FTO: variants seen among roughly 807,000 people sequenced by gnomAD.
The protein encoded by FTO is FTO alpha-ketoglutarate dependent dioxygenase, also known as alpha-ketoglutarate-dependent dioxygenase FTO.
A neutral mutation model predicts 63.9 loss-of-function variants in FTO; 47 were observed. That is an observed-to-expected ratio of 0.74 (90% CI 0.58 to 0.94). The LOEUF is 0.94. FTO is among the 40% of genes least tolerant of loss of function. The pLI is 0.00. For missense variants in FTO, 562 were observed against 618.1 expected, an observed-to-expected ratio of 0.91 and a Z score of 0.96; for synonymous variants, 207 against 224.4, an observed-to-expected ratio of 0.92 and a Z score of 0.69.
rs1322350254 is a variant in FTO, at chr16:53,995,680, C to T, written c.1364+61571C>T. Among the ~76,000 whole-genome samples the T allele has an allele frequency of 2.0e-5, 3 of 152,322 alleles. No individual in the cohort carries two copies. In the East Asian group the frequency reaches 5.8e-4, roughly 29 times the overall value. On this transcript the variant is annotated intron_variant, in intron 8 of 8. Transcript: ENST00000471389. ...CAGAGATGACCATGTATATGAAACA[C>T]AGTTCCTACTCCGCCTCCTTCACCC... is the stretch of plus-strand genomic sequence containing the variant.
At chr16:53,820,713 G>A (rs996032915) in intron 2 of FTO, among the ~76,000 whole-genome samples, 1 of 150,492 alleles carries the variant, frequency 6.6e-6, no homozygotes, top group African/African-American at 2.5e-5. Flanking sequence ...CCACCTATGA[G>A]TGAGAATATG....
chr16:54,094,881 A>G (rs1421918687), intron 8 of FTO, among the ~76,000 whole-genome samples: 1 of 152,180 alleles, frequency 6.6e-6, no homozygotes, highest in Non-Finnish European at 1.5e-5. Context: ...GCACCGTGAC[A>G]TAGATCATAT....
chr16:53,922,966 C>G lies in FTO; in HGVS notation c.1240-11019C>G, dbSNP rs562742478. On this transcript the variant is annotated intron_variant, in intron 7 of 8. Coordinates refer to ENST00000471389, the MANE Select transcript of FTO (RefSeq NM_001080432.3). Reference sequence around the variant, plus strand: ...TGATTCCTGGACTCTCTTGGTAAGACTAATTATGCTGTTTCCTGCTCCCGT... The same window carrying G: ...TGATTCCTGGACTCTCTTGGTAAGAGTAATTATGCTGTTTCCTGCTCCCGT... 3 of 152,264 alleles carry G rather than the reference C, an allele frequency of 2.0e-5. No individual in the cohort carries two copies. The Middle Eastern group carries it at 0.01, about 521-fold the overall frequency. 9.4% of individuals were successfully genotyped at this position (152,264 alleles called of 1,614,324 possible).
At position 53,796,607 on chromosome 16, in the gene FTO, G is replaced by A. The variant is rs2078079392; in HGVS notation, c.46-13533G>A. 2.0e-5 allele frequency among the ~76,000 whole-genome samples: 3 copies of A among 152,134 alleles called. No homozygotes were observed. The South Asian group carries it at 6.2e-4, about 32-fold the overall frequency. ...TACATTTGAGAACTTAGATGAAGTT[G>A]ATACATACCTAGAAAGATAGGCATT... On this transcript the variant is annotated intron_variant, in intron 1 of 8. Coordinates refer to ENST00000471389, the MANE Select transcript of FTO (RefSeq NM_001080432.3).
intron 4 of FTO, among the ~76,000 whole-genome samples, chr16:53,849,625 G>GT (rs2079728711): frequency 6.6e-6 from 1 of 152,206 alleles, no homozygotes; most frequent in Admixed American, 6.5e-5. Flanking sequence ...CTGGCCAGTA[G>GT]TTTTTTATAG....
chr16:53,762,470 G>A (rs180965324), intron 1 of FTO, among the ~76,000 whole-genome samples: 2 of 152,220 alleles, frequency 1.3e-5, no homozygotes, highest in East Asian at 1.9e-4. Flanking sequence ...ATGAAAAAAC[G>A]TTATCCTCCA....
At chr16:53,960,958 G>A (rs1433807657) in intron 8 of FTO, among the ~76,000 whole-genome samples, 1 of 152,130 alleles carries the variant, frequency 6.6e-6, no homozygotes, top group Non-Finnish European at 1.5e-5. Context: ...TCTCTTGCAA[G>A]CACAAAACTG....
chr16:53,715,123 G>A (rs1379152332), intron 1 of FTO, among the ~76,000 whole-genome samples: 2 of 152,028 alleles, frequency 1.3e-5, no homozygotes, highest in East Asian at 1.9e-4. Context: ...TATTGAATAC[G>A]GACTATTAGA....
intron 8 of FTO, among the ~76,000 whole-genome samples, chr16:54,028,884 A>G (rs1286331828): frequency 1.3e-5 from 2 of 152,152 alleles, no homozygotes; most frequent in African/African-American, 4.8e-5. Flanking sequence ...ATATTTCTTC[A>G]TTATAGAAAA....
intron 1 of FTO, among the ~76,000 whole-genome samples, chr16:53,755,366 G>A (rs890687783): frequency 6.6e-5 from 10 of 152,106 alleles, no homozygotes; most frequent in African/African-American, 2.4e-4. Context: ...AGAGGCCTAG[G>A]ACTCTCCCTC....
chr16:53,896,140 G>T (rs188408429), intron 7 of FTO, among the ~76,000 whole-genome samples: 4 of 152,258 alleles, frequency 2.6e-5, no homozygotes, highest in East Asian at 3.9e-4. Context: ...TTTCCCTGGG[G>T]TGCTATTTTA....
At chr16:53,891,173 G>A (rs2081137034) in intron 7 of FTO, among the ~76,000 whole-genome samples, 1 of 151,760 alleles carries the variant, frequency 6.6e-6, no homozygotes, top group Admixed American at 6.6e-5. Flanking sequence ...GTATTTTTTA[G>A]TAGAGATGGG....
At chr16:54,092,492 G>T (rs778919944) in intron 8 of FTO, among the ~76,000 whole-genome samples, 2 of 152,146 alleles carry the variant, frequency 1.3e-5, no homozygotes, top group Non-Finnish European at 2.9e-5. Context: ...GTCTAAAAGA[G>T]CAAGTCATGG....
intron 8 of FTO, among the ~76,000 whole-genome samples, chr16:54,056,696 A>G (rs2085442291): frequency 6.6e-6 from 1 of 152,194 alleles, no homozygotes; most frequent in Non-Finnish European, 1.5e-5. Flanking sequence ...TTGGAAGCTT[A>G]TCTCCCAGAC....
At chr16:53,842,749 C>T (rs985961367) in intron 3 of FTO, among the ~76,000 whole-genome samples, 1 of 152,200 alleles carries the variant, frequency 6.6e-6, no homozygotes, top group Non-Finnish European at 1.5e-5. Flanking sequence ...TCACAACTCA[C>T]TGCAGCCTCC....
intron 8 of FTO, among the ~76,000 whole-genome samples, chr16:54,107,584 A>C (rs923939608): frequency 1.3e-5 from 2 of 152,198 alleles, no homozygotes; most frequent in Admixed American, 1.3e-4. Context: ...CAACCACAAC[A>C]TCTCAGTTTG....
intron 8 of FTO, chr16:54,070,254 A>G (rs2085836543): frequency 6.6e-6 from 1 of 152,164 alleles, no homozygotes; most frequent in South Asian, 2.1e-4. Flanking sequence ...GATCTGCCCC[A>G]GTGTCTAATA....
intron 8 of FTO, among the ~76,000 whole-genome samples, chr16:53,978,724 C>G (rs148814660): frequency 3.9e-5 from 6 of 152,124 alleles, no homozygotes; most frequent in African/African-American, 1.4e-4. Context: ...TCACCGGGTG[C>G]GGTGGCTCAC....
chr16:53,780,791 G>C (rs1446963991), intron 1 of FTO, among the ~76,000 whole-genome samples: 1 of 152,136 alleles, frequency 6.6e-6, no homozygotes, highest in African/African-American at 2.4e-5. Flanking sequence ...TTTTGGAGAA[G>C]TTACTTAACT....
Sources: allele counts gnomAD v4.1 joint callset (sites outside exome capture counted in the v4.1 genomes callset), GRCh38; gene constraint gnomAD v4.1.1; transcripts MANE v1.5; gene names NCBI Gene and HGNC (gene_info 2026-07-23, HGNC 2026-07-21).